The following ENTPD6 variants were observed in gnomAD, a reference collection of about 807,000 sequenced individuals.
ENTPD6 encodes CD39 antigen-like 2.
Under a neutral mutation model 61.5 loss-of-function variants are expected in ENTPD6, and 46 were observed. The observed-to-expected ratio is 0.75, with a 90% CI of 0.59 to 0.96. ENTPD6 has a LOEUF of 0.96. Ranked by LOEUF, ENTPD6 falls within the 40% of genes least tolerant of loss-of-function variation. The pLI, the probability that ENTPD6 is intolerant of heterozygous loss-of-function variation, is 0.00. For missense variants in ENTPD6, 612 were observed against 629.0 expected, an observed-to-expected ratio of 0.97 and a Z score of 0.29; for synonymous variants, 252 against 255.5, an observed-to-expected ratio of 0.99 and a Z score of 0.13.
rs142071100 is a variant in ENTPD6 at position 25,225,210 on chromosome 20, C to T, written c.1249C>T (p.Arg417Trp). The change falls in exon 14 of 15, where the codon CGG becomes TGG. Residue 417 changes from arginine to tryptophan, a missense_variant. Transcript: ENST00000376652. ...GGGACGTGTCTCATCCCCAGTGTGT[C>T]GGACCCTGGAGACACAGCCGCAGAG... ...DFEIAAKYVC[R>W]TLETQPQSSP... The T allele has an allele frequency of 6.2e-6, 10 of 1,612,066 alleles. No individual in the cohort carries two copies. The highest frequency in any genetic ancestry group is 3.3e-5 in the Admixed American group (2 of 59,834).
chr20:25,209,967 G>A, intron 4 of ENTPD6, 42 bp downstream of exon 4: 2 of 1,517,448 alleles, frequency 1.3e-6, no homozygotes, highest in Non-Finnish European at 1.8e-6. Flanking sequence ...ACTGCAGAAT[G>A]TGTTCAAGCC....
intron 13 of ENTPD6, 34 bp downstream of exon 13, chr20:25,224,191 G>T (rs370844747): frequency 1.3e-6 from 2 of 1,598,418 alleles, no homozygotes; most frequent in South Asian, 1.1e-5. Flanking sequence ...CTCAGCAGGG[G>T]CAGGCGCCCC....
chr20:25,208,922 T>G (rs1215005999), intron 3 of ENTPD6, among the ~76,000 whole-genome samples: 1 of 151,938 alleles, frequency 6.6e-6, no homozygotes, highest in Non-Finnish European at 1.5e-5. Context: ...TTTATTTTAT[T>G]TTTATTTTTT....
chr20:25,207,076 C>G lies in ENTPD6; in HGVS notation c.55C>G (p.Gln19Glu), dbSNP rs1387828982. The G allele has an allele frequency of 3.1e-6, 5 of 1,595,812 alleles. No homozygotes were observed. Among genetic ancestry groups the G allele is most frequent in the Non-Finnish European group, 4.3e-6 (5 of 1,166,382 alleles). ...CCTGCCTCTCCCCCCTTCCCACCAG[C>G]AGCCGCAGCACGGTCCTTGGCAAAC... ...TSRKTSYIFQQPQHGPWQTRM... is the reference protein window; with the variant it reads ...TSRKTSYIFQEPQHGPWQTRM... Residue 19 changes from glutamine (Q) to glutamate (E), a missense_variant and splice_region_variant, in exon 3 of 15, where the codon CAG (glutamine) becomes GAG (glutamate). By Grantham distance (29) the Gln-to-Glu change is conservative (BLOSUM62 2). Coordinates refer to ENST00000376652, the MANE Select transcript of ENTPD6 (RefSeq NM_001247.5).
At chr20:25,200,972 T>C (rs2090986880) in intron 1 of ENTPD6, among the ~76,000 whole-genome samples, 1 of 152,212 alleles carries the variant, frequency 6.6e-6, no homozygotes, top group Non-Finnish European at 1.5e-5. Flanking sequence ...ATTGGCACTG[T>C]TTTTGCTGCA....
chr20:25,218,248 G>A (rs2092448370), intron 9 of ENTPD6, among the ~76,000 whole-genome samples: 1 of 152,236 alleles, frequency 6.6e-6, no homozygotes. Context: ...GCCACGTGCA[G>A]TCTTCAGTCG....
intron 7 of ENTPD6, 24 bp from the exon 8 acceptor site, chr20:25,216,624 C>G (rs985683669): frequency 6.4e-7 from 1 of 1,565,144 alleles, no homozygotes; most frequent in Non-Finnish European, 8.7e-7. Flanking sequence ...TGCCCCTGTG[C>G]TGTTTTTGCT....
intron 4 of ENTPD6, 121 bp from the exon 5 acceptor site, chr20:25,213,142 C>A: frequency 8.7e-7 from 1 of 1,150,826 alleles, no homozygotes; most frequent in Non-Finnish European, 1.3e-6. Flanking sequence ...TCACTCTAGC[C>A]TGGGCAACAC....
chr20:25,219,218 C>T (rs1339717143), intron 10 of ENTPD6, among the ~76,000 whole-genome samples: 13 of 152,210 alleles, frequency 8.5e-5, no homozygotes, highest in Admixed American at 8.5e-4. Flanking sequence ...GAAATCCCTT[C>T]TGAAGCACTG....
At chr20:25,218,867 A>G (rs780874438) in intron 10 of ENTPD6, among the ~76,000 whole-genome samples, 5 of 152,164 alleles carry the variant, frequency 3.3e-5, no homozygotes, top group Non-Finnish European at 7.3e-5. Context: ...GTACCTGTCC[A>G]CCTTCCAAGG....
chr20:25,215,787 A>G (rs2092279691), intron 7 of ENTPD6, 76 bp downstream of exon 7: 2 of 1,435,972 alleles, frequency 1.4e-6, no homozygotes, highest in Non-Finnish European at 2.0e-6. Flanking sequence ...TTTCGAGAGC[A>G]GGAGCCTCAT....
intron 9 of ENTPD6, among the ~76,000 whole-genome samples, chr20:25,218,166 G>C (rs2092442394): frequency 6.6e-6 from 1 of 152,184 alleles, no homozygotes; most frequent in Non-Finnish European, 1.5e-5. Context: ...TGCTTATTCT[G>C]CTCTACTTTG....
At chr20:25,223,537 A>G (rs1433961515) in intron 12 of ENTPD6, among the ~76,000 whole-genome samples, 2 of 152,058 alleles carry the variant, frequency 1.3e-5, no homozygotes, top group African/African-American at 2.4e-5. Flanking sequence ...GGATAAGAAC[A>G]CTACTGTTTT....
intron 9 of ENTPD6, among the ~76,000 whole-genome samples, chr20:25,217,805 C>T (rs2092404519): frequency 1.3e-5 from 2 of 149,600 alleles, no homozygotes; most frequent in Non-Finnish European, 3.0e-5. Flanking sequence ...AGACCTCTCT[C>T]TCCTCCTCCT....
In ENTPD6 at chr20:25,201,918, A is replaced by G. The variant is rs1156450376; in HGVS notation, c.-15-4604A>G. On this transcript the variant is annotated intron_variant, in intron 1 of 14. Transcript: ENST00000376652. ...TTTTTTGTAGAGACAGTGTCTCCCTATGCTGCCCAGGCTGGTCTCAAACTC... is the reference window on the plus strand; with the variant it reads ...TTTTTTGTAGAGACAGTGTCTCCCTGTGCTGCCCAGGCTGGTCTCAAACTC... 4.6e-5 allele frequency among the ~76,000 whole-genome samples: 7 copies of G among 152,072 alleles called. No homozygotes were observed. The South Asian group carries it at 8.3e-4, about 18-fold the overall frequency.
rs750480721 is a variant in ENTPD6 at position 25,217,536 on chromosome 20, C to T, written c.833C>T (p.Thr278Met). 72 of 1,614,050 alleles carry T rather than the reference C, an allele frequency of 4.5e-5. 1 individual carries two copies. The South Asian group carries it at 5.7e-4, about 13-fold the overall frequency. Reference sequence around the variant, plus strand: ...CAGGCCTCCCCACCCGGCTACCTGACGGCACTGCGGATGTTTAACAGGACC... The same window carrying T: ...CAGGCCTCCCCACCCGGCTACCTGATGGCACTGCGGATGTTTAACAGGACC... ...TLQASPPGYL[T>M]ALRMFNRTYK... Residue 278 changes from threonine to methionine, a missense_variant, in exon 9 of 15, where the codon ACG (threonine) becomes ATG (methionine). By Grantham distance (81) the Thr-to-Met change is moderately conservative (BLOSUM62 -1). Coordinates refer to ENST00000376652, the MANE Select transcript of ENTPD6 (RefSeq NM_001247.5).
In ENTPD6 at chr20:25,225,780, G is replaced by A; in HGVS notation, c.*183G>A. On this transcript the variant is annotated 3_prime_UTR_variant, in exon 15 of 15. Coordinates refer to ENST00000376652, the MANE Select transcript of ENTPD6 (RefSeq NM_001247.5). ...GCATCAGCCTCTTCCAGTCACATCT[G>A]GCCAGAGGGCTGTCTGGACCTGGGC... The A allele has an allele frequency of 3.4e-6, 2 of 587,354 alleles. No homozygotes were observed. The highest frequency in any genetic ancestry group is 2.1e-5 in the South Asian group (1 of 48,298). 36.4% of individuals were successfully genotyped at this position (587,354 alleles called of 1,614,324 possible).
chr20:25,219,728 C>G (rs1306026687), intron 10 of ENTPD6, among the ~76,000 whole-genome samples: 1 of 152,210 alleles, frequency 6.6e-6, no homozygotes, highest in Non-Finnish European at 1.5e-5. Flanking sequence ...ATGCCCTTAC[C>G]TCAGCCCCCA....
intron 3 of ENTPD6, among the ~76,000 whole-genome samples, chr20:25,209,115 A>ATTTTTT (rs35880604): frequency 7.6e-6 from 1 of 132,124 alleles, no homozygotes; most frequent in Admixed American, 7.9e-5. Flanking sequence ...TTTTTATTTA[A>ATTTTTT]TTTTTTTTTT....
Sources: allele counts gnomAD v4.1 joint callset (sites outside exome capture counted in the v4.1 genomes callset), GRCh38; gene constraint gnomAD v4.1.1; transcripts MANE v1.5; gene names NCBI Gene and HGNC (gene_info 2026-07-23, HGNC 2026-07-21).